Variants in MYO5A observed in about 807,000 individuals in gnomAD.
MYO5A encodes myosin VA.
In MYO5A, 98 loss-of-function variants were observed where a neutral mutation model predicts 249.7. The observed-to-expected ratio is 0.39, with a 90% confidence interval of 0.33 to 0.46. The LOEUF (loss-of-function observed/expected upper bound fraction) is 0.46. MYO5A is among the 20% of genes least tolerant of loss of function. The pLI, the probability that MYO5A is intolerant of heterozygous loss-of-function variation, is 0.98. For synonymous variants in MYO5A, 778 were observed against 810.6 expected, an observed-to-expected ratio of 0.96 and a Z score of 0.68; for missense variants, 1,696 against 2,308.8, an observed-to-expected ratio of 0.73 and a Z score of 5.44.
intron 13 of MYO5A, among the ~76,000 whole-genome samples, chr15:52,389,022 C>A (rs1289971454): frequency 1.3e-5 from 2 of 151,906 alleles, no homozygotes; most frequent in Non-Finnish European, 2.9e-5. Flanking sequence ...TACAGAGATT[C>A]CTGGATTTCA....
chr15:52,518,677 C>G (rs2077547981), intron 1 of MYO5A, among the ~76,000 whole-genome samples: 1 of 152,180 alleles, frequency 6.6e-6, no homozygotes, highest in African/African-American at 2.4e-5. Flanking sequence ...AAAGGAATAT[C>G]TAGTCATCTT....
chr15:52,524,319 C>A (rs1364508444), intron 1 of MYO5A, among the ~76,000 whole-genome samples: 1 of 151,942 alleles, frequency 6.6e-6, no homozygotes, highest in Non-Finnish European at 1.5e-5. Flanking sequence ...TTTGAGTGGC[C>A]GAGGCAGGAG....
chr15:52,473,920 T>A (rs1567160532), intron 1 of MYO5A, among the ~76,000 whole-genome samples: 1 of 152,216 alleles, frequency 6.6e-6, no homozygotes, highest in Admixed American at 6.5e-5. Flanking sequence ...TTTTTCCAAT[T>A]CTGTGAAGAA....
At chr15:52,358,504 G>T (rs57864537) in intron 25 of MYO5A, among the ~76,000 whole-genome samples, 4,886 of 152,176 alleles carry the variant, frequency 0.032, 210 homozygotes, top group African/African-American at 0.099. Flanking sequence ...TATCCCCTTT[G>T]CCTTGAATCT....
In MYO5A at chr15:52,383,083, ATACT is replaced by A; in HGVS notation, c.2012+4_2012+7del. 6.2e-7 allele frequency: 1 copy of A among 1,602,290 alleles called. No individual in the cohort carries two copies. Among genetic ancestry groups the A allele is most frequent in the Non-Finnish European group, 8.6e-7 (1 of 1,169,250 alleles). On this transcript the variant is annotated splice_donor_5th_base_variant and intron_variant, in intron 16 of 41. Transcript: ENST00000399233. ...TACTTTTTCACTGGGTGGTTCAGAA[ATACT>A]TACGTGAATGGGAACTTGAAGTCAT...
rs1023886596 is a variant in MYO5A at position 52,321,429 on chromosome 15, C to A, written c.4881G>T (p.Leu1627=). 1 of 1,614,206 alleles carries A rather than the reference C, an allele frequency of 6.2e-7. No individual in the cohort carries two copies. Among genetic ancestry groups the A allele is most frequent in the African/African-American group, 1.3e-5 (1 of 75,042 alleles). ...NFDLAEYRQV[L]SDLAIQIYQQ... is the part of the protein sequence containing the mutation. Reference sequence around the variant, plus strand: ...GGTAGATCTGAATGGCCAAGTCACTCAGCACCTGCCGATACTCAGCCAGGT... The same window carrying A: ...GGTAGATCTGAATGGCCAAGTCACTAAGCACCTGCCGATACTCAGCCAGGT... Residue 1627 remains leucine, a synonymous_variant, in exon 38 of 42, where the codon CTG becomes CTT. Coordinates refer to ENST00000399233, the MANE Select transcript of MYO5A (RefSeq NM_001382347.1).
At chr15:52,437,332 T>C (rs1414060184) in intron 1 of MYO5A, among the ~76,000 whole-genome samples, 5 of 152,138 alleles carry the variant, frequency 3.3e-5, no homozygotes, top group Non-Finnish European at 7.4e-5. Context: ...CAGTGGCTCA[T>C]GCCTGTAATC....
chr15:52,449,910 G>A (rs977984218), intron 1 of MYO5A, among the ~76,000 whole-genome samples: 9 of 152,234 alleles, frequency 5.9e-5, no homozygotes, highest in African/African-American at 2.2e-4. Flanking sequence ...CTGAGGTTGG[G>A]AGGATTGCTT....
intron 5 of MYO5A, 63 bp from the exon 6 acceptor site, chr15:52,410,539 T>C (rs2043202468): frequency 6.7e-7 from 1 of 1,493,224 alleles, no homozygotes; most frequent in Admixed American, 1.7e-5. Context: ...ATTTACAGAA[T>C]CTGCTCAGAG....
chr15:52,391,779 C>G (rs1177878410), intron 12 of MYO5A, 151 bp downstream of exon 12: 10 of 715,676 alleles, frequency 1.4e-5, no homozygotes, highest in South Asian at 1.8e-5. Flanking sequence ...CCCTTGGGGT[C>G]TAGTGTCCCT....
intron 1 of MYO5A, among the ~76,000 whole-genome samples, chr15:52,441,982 A>G (rs370991448): frequency 6.6e-6 from 1 of 152,372 alleles, no homozygotes; most frequent in Admixed American, 6.5e-5. Flanking sequence ...AAGGCTCTGT[A>G]ATTTCCAGAA....
intron 12 of MYO5A, 37 bp from the exon 13 acceptor site, chr15:52,389,400 T>C (rs984829063): frequency 1.9e-6 from 3 of 1,596,414 alleles, no homozygotes; most frequent in Admixed American, 1.7e-5. Flanking sequence ...GAAAACAAGG[T>C]AAATACTGTG....
At position 52,337,916 on chromosome 15, in the gene MYO5A, TTGTC is replaced by T. The variant is rs368848208; in HGVS notation, c.4240-36_4240-33del. The T allele has an allele frequency of 8.5e-4, 1,228 of 1,442,926 alleles. 8 individuals are homozygous for T. In the African/African-American group the frequency reaches 0.014, roughly 16 times the overall value. The allele number at this position is 1,442,926 out of a possible 1,614,324, so 89.4% of individuals were successfully genotyped here. A position where few individuals can be genotyped will look rare whatever the true frequency, so the allele number is the denominator to read the frequency against. The stretch of plus-strand genomic sequence containing the variant: ...AAACAGGCACAATGGATATTTGTTT[TTGTC>T]TGTGTGTTTGAGGGAAATGCTATCT... On this transcript the variant is annotated intron_variant, in intron 32 of 41. Transcript: ENST00000399233.
intron 16 of MYO5A, among the ~76,000 whole-genome samples, chr15:52,381,299 G>C (rs913370471): frequency 2.0e-5 from 3 of 152,168 alleles, no homozygotes; most frequent in Admixed American, 6.5e-5. Flanking sequence ...CTTCCAGAAA[G>C]GACTTCTTGG....
Position 52,385,583 on chromosome 15 carries a change from T to A in MYO5A, c.1753-1261A>T, listed in dbSNP as rs533178743. Among the ~76,000 whole-genome samples, 13 of 147,392 alleles carry A rather than the reference T, an allele frequency of 8.8e-5. 1 individual carries two copies. The South Asian group carries it at 2.5e-3, about 28-fold the overall frequency. ...AATTCCATATATATATATATTTTTT[T>A]AAACTCCTTTTCAAATTGTAAGCTA... On this transcript the variant is annotated intron_variant, in intron 14 of 41. Coordinates refer to ENST00000399233, the MANE Select transcript of MYO5A (RefSeq NM_001382347.1).
chr15:52,482,963 C>T (rs2076745026), intron 1 of MYO5A, among the ~76,000 whole-genome samples: 1 of 152,140 alleles, frequency 6.6e-6, no homozygotes, highest in Admixed American at 6.5e-5. Context: ...GCAGGGCACA[C>T]ATATGAATAC....
At chr15:52,496,746 C>G (rs1288743430) in intron 1 of MYO5A, among the ~76,000 whole-genome samples, 2 of 152,144 alleles carry the variant, frequency 1.3e-5, no homozygotes, top group Admixed American at 6.5e-5. Context: ...ATTGATGACT[C>G]AACACTGAGA....
At chr15:52,347,587 T>G (rs756008233) in intron 29 of MYO5A, among the ~76,000 whole-genome samples, 1 of 152,186 alleles carries the variant, frequency 6.6e-6, no homozygotes. Flanking sequence ...ATAACTTTAA[T>G]GCCAATCAGA....
intron 1 of MYO5A, among the ~76,000 whole-genome samples, chr15:52,440,198 C>G (rs771309261): frequency 6.6e-6 from 1 of 152,170 alleles, no homozygotes; most frequent in Non-Finnish European, 1.5e-5. Flanking sequence ...CAGCACTGCC[C>G]TTGCACCTCC....
Sources: allele counts gnomAD v4.1 joint callset (sites outside exome capture counted in the v4.1 genomes callset), GRCh38; gene constraint gnomAD v4.1.1; transcripts MANE v1.5; gene names NCBI Gene and HGNC (gene_info 2026-07-23, HGNC 2026-07-21).